The following RNF115 variants were observed in gnomAD, a reference collection of about 807,000 sequenced individuals.
RNF115 encodes ring finger protein 115.
In RNF115, 31 loss-of-function variants were observed where a neutral mutation model predicts 39.2. The observed-to-expected ratio is 0.79, with a 90% CI of 0.59 to 1.07. RNF115 has a LOEUF of 1.07. Ranked by LOEUF, RNF115 falls within the 50% of genes least tolerant of loss-of-function variation. RNF115 has a pLI of 0.00. For synonymous variants in RNF115, 124 were observed against 131.0 expected (o/e 0.95, Z 0.37); for missense variants, 384 against 381.7 (o/e 1.01, Z -0.05).
At chr1:145,756,346 G>A (rs990669311) in intron 4 of RNF115, among the ~76,000 whole-genome samples, 2 of 152,096 alleles carry the variant, frequency 1.3e-5, no homozygotes, top group African/African-American at 2.4e-5. Flanking sequence ...TGTAATGCCA[G>A]CTGCTCGGGA....
intron 7 of RNF115, 51 bp downstream of exon 7, chr1:145,750,356 A>G: frequency 7.1e-7 from 1 of 1,404,048 alleles, no homozygotes; most frequent in Non-Finnish European, 1.0e-6. Flanking sequence ...AGATACCGGG[A>G]TTTTGAACCG....
chr1:145,757,312 C>A (rs587731564), intron 4 of RNF115, among the ~76,000 whole-genome samples: 1 of 152,164 alleles, frequency 6.6e-6, no homozygotes, highest in East Asian at 1.9e-4. Context: ...ACAATTCTAC[C>A]CATTACAAGT....
chr1:145,799,366 T>C (rs1049287710), intron 1 of RNF115, among the ~76,000 whole-genome samples: 24 of 152,112 alleles, frequency 1.6e-4, no homozygotes, highest in Admixed American at 1.4e-3. Flanking sequence ...GCAGCCAGCT[T>C]CCGGGTTTTC....
intron 4 of RNF115, among the ~76,000 whole-genome samples, chr1:145,770,335 T>C (rs1271459255): frequency 6.6e-6 from 1 of 152,134 alleles, no homozygotes; most frequent in African/African-American, 2.4e-5. Context: ...AAAATGTTAA[T>C]AAAGCCTAGA....
chr1:145,795,427 T>TTGATTGGTCCATTTTACAGAGCGC (rs1256877619), intron 1 of RNF115, among the ~76,000 whole-genome samples: 3 of 152,140 alleles, frequency 2.0e-5, no homozygotes, highest in Admixed American at 6.5e-5. Flanking sequence ...CACGTCCTGC[T>TTGATTGGTCCATTTTACAGAGCGC]TGATTGGTCC....
chr1:145,820,841 CTTGAT>C (rs782071133), intron 1 of RNF115, among the ~76,000 whole-genome samples: 5 of 149,658 alleles, frequency 3.3e-5, no homozygotes, highest in Middle Eastern at 3.2e-3. Context: ...TGTTAAATAG[CTTGAT>C]TTAACCATTC....
At chr1:145,756,696 T>G (rs1327117608) in intron 4 of RNF115, among the ~76,000 whole-genome samples, 11 of 152,084 alleles carry the variant, frequency 7.2e-5, no homozygotes, top group Non-Finnish European at 1.6e-4. Flanking sequence ...TCCATGATTC[T>G]CTCTGGCTTC....
chr1:145,801,683 C>T (rs1553720909), intron 1 of RNF115, among the ~76,000 whole-genome samples: 1 of 152,168 alleles, frequency 6.6e-6, no homozygotes, highest in Non-Finnish European at 1.5e-5. Context: ...TCACAACAAA[C>T]CTCTCCCCAA....
At chr1:145,796,643 TC>T (rs1390145043) in intron 1 of RNF115, among the ~76,000 whole-genome samples, 1 of 152,064 alleles carries the variant, frequency 6.6e-6, no homozygotes, top group Non-Finnish European at 1.5e-5. Flanking sequence ...TGCCTCAGCC[TC>T]CCAAAATACT....
Position 145,788,795 on chromosome 1 carries a change from C to T in RNF115, c.161+113G>A, listed in dbSNP as rs587595438. On this transcript the variant is annotated intron_variant, in intron 2 of 8. Transcript: ENST00000582693. ...GCACTCACTCTCTCTCTCTCACTCT[C>T]GCTCTCTCTGTAGAGTGTAAGTTGT... 2.6e-4 allele frequency: 204 copies of T among 794,850 alleles called. 1 individual carries two copies. In the Admixed American group the frequency reaches 2.8e-3, roughly 11 times the overall value. The allele number at this position is 794,850 out of a possible 1,614,324, so 49.2% of individuals were successfully genotyped here.
rs1267084011 is a variant in RNF115 at position 145,823,916 on chromosome 1, T to C, written c.-43A>G. On this transcript the variant is annotated 5_prime_UTR_variant, in exon 1 of 9. Transcript: ENST00000582693. ...GCCGTCCGAGAGGGCAGCCGGCCCGTCCCTCGCCAGGCCGCTACCTCCCGA... is the reference window on the plus strand; with the variant it reads ...GCCGTCCGAGAGGGCAGCCGGCCCGCCCCTCGCCAGGCCGCTACCTCCCGA... 7.2e-7 allele frequency: 1 copy of C among 1,393,282 alleles called. No homozygotes were observed. The allele number at this position is 1,393,282 out of a possible 1,614,324, so 86.3% of individuals were successfully genotyped here. A position where few individuals can be genotyped will look rare whatever the true frequency, so the allele number is the denominator to read the frequency against.
chr1:145,763,434 A>G (rs1377665350), intron 4 of RNF115, among the ~76,000 whole-genome samples: 1 of 152,230 alleles, frequency 6.6e-6, no homozygotes, highest in African/African-American at 2.4e-5. Flanking sequence ...GCAGTGGCTC[A>G]CGCCTGTAAT....
chr1:145,765,287 G>C (rs1658725965), intron 4 of RNF115, among the ~76,000 whole-genome samples: 1 of 152,084 alleles, frequency 6.6e-6, no homozygotes, highest in Non-Finnish European at 1.5e-5. Flanking sequence ...CACTGTGGAA[G>C]GCCGCAGGGC....
intron 1 of RNF115, 136 bp from the exon 2 acceptor site, chr1:145,789,102 G>GTT (rs797033513): frequency 8.4e-4 from 404 of 480,156 alleles, no homozygotes; most frequent in Non-Finnish European, 9.6e-4. Flanking sequence ...AGTAGTTTTT[G>GTT]TTTTTTTTTT....
intron 4 of RNF115, among the ~76,000 whole-genome samples, chr1:145,760,432 T>A (rs1658454575): frequency 6.6e-6 from 1 of 152,126 alleles, no homozygotes. Context: ...TTGAATTGTA[T>A]CTCCCAGAAT....
intron 2 of RNF115, among the ~76,000 whole-genome samples, chr1:145,785,167 C>T (rs587671708): frequency 1.3e-5 from 2 of 152,238 alleles, no homozygotes; most frequent in South Asian, 4.2e-4. Flanking sequence ...TAAGACTCTT[C>T]CACACCCTTC....
chr1:145,766,996 C>T (rs1647341936), intron 4 of RNF115, among the ~76,000 whole-genome samples: 1 of 141,048 alleles, frequency 7.1e-6, no homozygotes, highest in African/African-American at 2.8e-5. Flanking sequence ...AGAGGGGCTC[C>T]TCACTTCCCA....
At chr1:145,815,424 G>A (rs1407970655) in intron 1 of RNF115, among the ~76,000 whole-genome samples, 1 of 152,234 alleles carries the variant, frequency 6.6e-6, no homozygotes, top group African/African-American at 2.4e-5. Flanking sequence ...CCAAAAGTAG[G>A]TTACTCTGCA....
Position 145,746,856 on chromosome 1 carries a change from G to A in RNF115, c.*10C>T. 6.2e-7 allele frequency: 1 copy of A among 1,613,726 alleles called. No individual in the cohort carries two copies. The highest frequency in any genetic ancestry group is 8.5e-7 in the Non-Finnish European group (1 of 1,179,756). On this transcript the variant is annotated 3_prime_UTR_variant, in exon 9 of 9. Transcript: ENST00000582693. ...TTACCACAGCCCTGATTCAGGTGTG[G>A]TCTTTAGCTTCAGAAAGTCCATCGG...
Sources: gnomAD v4.1 joint callset for allele counts (sites outside exome capture counted in the v4.1 genomes callset) on GRCh38, gnomAD v4.1.1 for gene constraint, MANE v1.5 for transcripts, NCBI Gene and HGNC (gene_info 2026-07-23, HGNC 2026-07-21) for gene names.